The following BTBD7 variants were observed in gnomAD, a reference collection of about 807,000 sequenced individuals.
BTBD7 encodes the protein BTB/POZ domain-containing protein 7.
BTBD7 carries 38 observed loss-of-function variants against 99.9 expected under a neutral mutation model. The observed-to-expected ratio is 0.38, with a 90% confidence interval of 0.29 to 0.50. BTBD7 has a LOEUF of 0.50. BTBD7 is among the 20% of genes least tolerant of loss of function. The pLI is 0.93. For missense variants in BTBD7, 1,170 were observed against 1,394.6 expected (o/e 0.84, Z 2.57); for synonymous variants, 520 against 511.4 (o/e 1.02, Z -0.23).
At chr14:93,313,125 G>C (rs11623390) in intron 1 of BTBD7, among the ~76,000 whole-genome samples, 2,661 of 152,214 alleles carry the variant, frequency 0.017, 39 homozygotes, top group South Asian at 0.074. Context: ...GGTTTTGCTG[G>C]CAGACAAATC....
At chr14:93,331,867 C>G (rs1160206252) in intron 1 of BTBD7, among the ~76,000 whole-genome samples, 1 of 143,042 alleles carries the variant, frequency 7.0e-6, no homozygotes, top group African/African-American at 2.8e-5. Flanking sequence ...GGTGACAGAG[C>G]GAGACTCCGT....
intron 3 of BTBD7, among the ~76,000 whole-genome samples, chr14:93,291,610 AC>A (rs2052856107): frequency 1.3e-5 from 2 of 151,882 alleles, no homozygotes; most frequent in East Asian, 3.9e-4. Flanking sequence ...AACAAAAATA[AC>A]TCAAACTCTA....
chr14:93,242,467 T>C lies in BTBD7; in HGVS notation c.3205A>G (p.Thr1069Ala). Residue 1069 changes from threonine (T) to alanine (A), a missense_variant, in exon 11 of 11, where the codon ACT becomes GCT. This residue lies in a region of BTBD7 where 495 missense variants were observed against 525.9 expected (regional missense o/e 0.94). Coordinates refer to ENST00000334746, the MANE Select transcript of BTBD7 (RefSeq NM_001002860.4). ...AVETDLTFGL[T>A]PNRPSLSACS... ...GCAGAAAGTGAAGGTCTGTTAGGAG[T>C]CAGCCCAAAAGTCAAGTCAGTTTCT... 1.2e-6 allele frequency: 2 copies of C among 1,614,136 alleles called. No individual in the cohort carries two copies. Among genetic ancestry groups the C allele is most frequent in the Non-Finnish European group, 1.7e-6 (2 of 1,180,022 alleles).
At chr14:93,281,933 T>G (rs1184221213) in intron 3 of BTBD7, among the ~76,000 whole-genome samples, 1 of 152,252 alleles carries the variant, frequency 6.6e-6, no homozygotes, top group Admixed American at 6.5e-5. Flanking sequence ...TTATGAATAT[T>G]ATCAATCGTA....
At chr14:93,300,775 TATA>T (rs2052992943) in intron 1 of BTBD7, among the ~76,000 whole-genome samples, 1 of 70,990 alleles carries the variant, frequency 1.4e-5, no homozygotes, top group South Asian at 5.3e-4. Flanking sequence ...TGTGTGTGTA[TATA>T]TATATATATT....
Position 93,294,086 on chromosome 14 carries a change from T to C in BTBD7, c.934A>G (p.Arg312Gly). The C allele has an allele frequency of 6.2e-7, 1 of 1,614,106 alleles. No homozygotes were observed. The highest frequency in any genetic ancestry group is 8.5e-7 in the Non-Finnish European group (1 of 1,179,994). ...ATAATGGACTCATCTAATATAATTC[T>C]TGTGGGAGTCCTCAAAGTTCGGTCT... ...ITDRTLRTPTRIILDESIIPK... is the reference protein window; with the variant it reads ...ITDRTLRTPTGIILDESIIPK... Residue 312 changes from arginine to glycine, a missense_variant, in exon 3 of 11, where the codon AGA (arginine) becomes GGA (glycine). Physicochemically the swap from Arg to Gly is moderately radical, Grantham distance 125 (BLOSUM62 -2). Transcript: ENST00000334746.
At chr14:93,295,433 A>AT (rs548591691) in intron 2 of BTBD7, among the ~76,000 whole-genome samples, 1 of 152,106 alleles carries the variant, frequency 6.6e-6, no homozygotes, top group Non-Finnish European at 1.5e-5. Context: ...ACTGGCCTAC[A>AT]TTTTTTATAT....
At chr14:93,278,219 C>A (rs1172064917) in intron 3 of BTBD7, among the ~76,000 whole-genome samples, 1 of 151,386 alleles carries the variant, frequency 6.6e-6, no homozygotes, top group Non-Finnish European at 1.5e-5. Context: ...TCGAGACCAG[C>A]CTGGCCAACA....
chr14:93,306,892 C>T (rs1161911935), intron 1 of BTBD7, among the ~76,000 whole-genome samples: 1 of 152,154 alleles, frequency 6.6e-6, no homozygotes, highest in Non-Finnish European at 1.5e-5. Context: ...TCTTAAAACT[C>T]AGATTCTCTT....
At chr14:93,308,943 T>C (rs2053105339) in intron 1 of BTBD7, among the ~76,000 whole-genome samples, 1 of 152,200 alleles carries the variant, frequency 6.6e-6, no homozygotes, top group South Asian at 2.1e-4. Context: ...TACTTAATGT[T>C]GCAGAACTAT....
rs201494871 is a variant in BTBD7 at position 93,251,454 on chromosome 14, C to T, written c.1942+9G>A. The T allele has an allele frequency of 4.1e-4, 641 of 1,578,014 alleles. 8 individuals carry two copies. Among genetic ancestry groups the T allele is most frequent in the Admixed American group, 8.9e-4 (52 of 58,242 alleles). ...CATTTAAATATAAACACCCAACATA[C>T]TGCCTTACCTGGAATTTCGTTGGCT... is the stretch of plus-strand genomic sequence containing the variant. On this transcript the variant is annotated intron_variant, in intron 8 of 10. Transcript: ENST00000334746.
chr14:93,260,238 C>A (rs1022657848), intron 5 of BTBD7, among the ~76,000 whole-genome samples: 1 of 152,054 alleles, frequency 6.6e-6, no homozygotes, highest in Non-Finnish European at 1.5e-5. Flanking sequence ...CACTTCAAAC[C>A]GGTGAACTTT....
rs972169266 is a variant in BTBD7 at position 93,312,661 on chromosome 14, C to T, written c.-106-16504G>A. On this transcript the variant is annotated intron_variant, in intron 1 of 10. Transcript: ENST00000334746. ...CAAGCCCTACAGGAGACTGAGGCTCCAAGTTTTGGGTAGAATAAAGAGTGC... is the reference window on the plus strand; with the variant it reads ...CAAGCCCTACAGGAGACTGAGGCTCTAAGTTTTGGGTAGAATAAAGAGTGC... Among the ~76,000 whole-genome samples the T allele has an allele frequency of 2.4e-4, 37 of 152,084 alleles. 1 individual carries two copies.
At chr14:93,269,567 T>C (rs968131345) in intron 3 of BTBD7, among the ~76,000 whole-genome samples, 4 of 152,342 alleles carry the variant, frequency 2.6e-5, no homozygotes, top group East Asian at 1.9e-4. Flanking sequence ...CAGAATGTCA[T>C]GTGTTCTCTC....
intron 3 of BTBD7, among the ~76,000 whole-genome samples, chr14:93,279,705 G>A (rs1366608293): frequency 6.6e-6 from 1 of 151,978 alleles, no homozygotes; most frequent in Non-Finnish European, 1.5e-5. Flanking sequence ...CCATGACCAC[G>A]TCCAGCTAAT....
At position 93,246,296 on chromosome 14, in the gene BTBD7, AT is replaced by A. The variant is rs764395635; in HGVS notation, c.2122-11del. On this transcript the variant is annotated splice_polypyrimidine_tract_variant and intron_variant, in intron 9 of 10. Coordinates refer to ENST00000334746, the MANE Select transcript of BTBD7 (RefSeq NM_001002860.4). Reference sequence around the variant, plus strand: ...AGAATTTGTGAGGATTCTAAAAAAGATTAAAAAAAAAAAAAAAGGACATTTA... The same window carrying A: ...AGAATTTGTGAGGATTCTAAAAAAGATAAAAAAAAAAAAAAAGGACATTTA... The A allele has an allele frequency of 1.4e-6, 2 of 1,443,458 alleles. No homozygotes were observed. Among genetic ancestry groups the A allele is most frequent in the African/African-American group, 1.7e-5 (1 of 57,794 alleles). 89.4% of individuals were successfully genotyped at this position (1,443,458 alleles called of 1,614,324 possible).
At position 93,303,978 on chromosome 14, in the gene BTBD7, T is replaced by C. The variant is rs189317164; in HGVS notation, c.-106-7821A>G. ...CTTGGCCTGGACATCCCCAAAAGTTTTGATGTCTTCTAGCAGCTAGAATCC... is the reference window on the plus strand; with the variant it reads ...CTTGGCCTGGACATCCCCAAAAGTTCTGATGTCTTCTAGCAGCTAGAATCC... On this transcript the variant is annotated intron_variant, in intron 1 of 10. Coordinates refer to ENST00000334746, the MANE Select transcript of BTBD7 (RefSeq NM_001002860.4). Among the ~76,000 whole-genome samples the C allele has an allele frequency of 4.6e-5, 7 of 152,316 alleles. No individual in the cohort carries two copies. The East Asian group carries it at 1.3e-3, about 29-fold the overall frequency.
chr14:93,318,368 A>C (rs555739967), intron 1 of BTBD7, among the ~76,000 whole-genome samples: 1 of 152,236 alleles, frequency 6.6e-6, no homozygotes, highest in Non-Finnish European at 1.5e-5. Flanking sequence ...GAATACTTAC[A>C]GTGCTCTATT....
At chr14:93,288,337 TTATTA>T (rs1293187479) in intron 3 of BTBD7, 3 of 605,662 alleles carry the variant, frequency 5.0e-6, no homozygotes, top group East Asian at 2.7e-5. Flanking sequence ...ACTCATCTCT[TTATTA>T]TATTATTTAC....
Sources: allele counts gnomAD v4.1 joint callset (sites outside exome capture counted in the v4.1 genomes callset), GRCh38; gene constraint gnomAD v4.1.1; regional missense constraint gnomAD v4.1.1; transcripts MANE v1.5; gene names NCBI Gene and HGNC (gene_info 2026-07-23, HGNC 2026-07-21).